SPOCK3: variants seen among roughly 807,000 people sequenced by gnomAD.
The protein encoded by SPOCK3 is SPARC (osteonectin), cwcv and kazal like domains proteoglycan 3.
Under a neutral mutation model 56.6 loss-of-function variants are expected in SPOCK3, and 30 were observed. That is an observed-to-expected ratio of 0.53 (90% CI 0.40 to 0.72). SPOCK3 has a LOEUF of 0.72. SPOCK3 is among the 30% of genes least tolerant of loss of function. The pLI is 0.00. For synonymous variants in SPOCK3, 196 were observed against 183.3 expected (o/e 1.07, Z -0.56); for missense variants, 527 against 530.0 (o/e 0.99, Z 0.06).
intron 6 of SPOCK3, among the ~76,000 whole-genome samples, chr4:166,799,635 G>A (rs2318492): frequency 0.89 from 134,708 of 152,194 alleles, 59,851 homozygotes; most frequent in African/African-American, 0.97. Context: ...AGGTTGCAAA[G>A]ACCAACAAGC....
At chr4:166,960,972 A>G (rs941267300) in intron 4 of SPOCK3, among the ~76,000 whole-genome samples, 1 of 152,198 alleles carries the variant, frequency 6.6e-6, no homozygotes, top group Non-Finnish European at 1.5e-5. Flanking sequence ...ATTAGAGATG[A>G]CCATTACTGT....
At chr4:167,059,049 T>C (rs1755263985) in intron 3 of SPOCK3, among the ~76,000 whole-genome samples, 1 of 151,988 alleles carries the variant, frequency 6.6e-6, no homozygotes. Context: ...ATAAAAACCC[T>C]AGAAGAAAAC....
chr4:166,879,882 G>A (rs375649940), intron 6 of SPOCK3, among the ~76,000 whole-genome samples: 1 of 152,040 alleles, frequency 6.6e-6, no homozygotes, highest in Non-Finnish European at 1.5e-5. Flanking sequence ...TTGTTTAAAA[G>A]TGTGTACCAT....
intron 2 of SPOCK3, among the ~76,000 whole-genome samples, chr4:167,062,850 C>T (rs1055079291): frequency 2.0e-5 from 3 of 151,762 alleles, no homozygotes; most frequent in Non-Finnish European, 4.4e-5. Flanking sequence ...CTAAATATTA[C>T]AATGCAATAT....
chr4:166,972,241 T>C (rs1745472262), intron 4 of SPOCK3, among the ~76,000 whole-genome samples: 1 of 152,142 alleles, frequency 6.6e-6, no homozygotes, highest in Non-Finnish European at 1.5e-5. Flanking sequence ...TCAGAAGTGC[T>C]TGCTACATAA....
chr4:167,035,727 A>G (rs552121498), intron 3 of SPOCK3, among the ~76,000 whole-genome samples: 1 of 152,246 alleles, frequency 6.6e-6, no homozygotes, highest in Non-Finnish European at 1.5e-5. Context: ...GCGTGAACCT[A>G]TATCTATCCT....
chr4:167,163,259 T>C (rs576446796), intron 2 of SPOCK3, among the ~76,000 whole-genome samples: 1 of 151,550 alleles, frequency 6.6e-6, no homozygotes, highest in Non-Finnish European at 1.5e-5. Flanking sequence ...TGTGTTCCTT[T>C]TTTAAAACAT....
chr4:167,057,090 G>C (rs907857490), intron 3 of SPOCK3, among the ~76,000 whole-genome samples: 2 of 152,124 alleles, frequency 1.3e-5, no homozygotes, highest in African/African-American at 2.4e-5. Context: ...CGGATCTCTC[G>C]GCAGAAACTC....
Position 166,946,810 on chromosome 4 carries a change from G to A in SPOCK3, c.351-34067C>T, listed in dbSNP as rs191245305. Among the ~76,000 whole-genome samples, 288 of 152,266 alleles carry A rather than the reference G, an allele frequency of 1.9e-3. 1 individual carries two copies. Among genetic ancestry groups the A allele is most frequent in the African/African-American group, 6.5e-3 (271 of 41,556 alleles). On this transcript the variant is annotated intron_variant, in intron 4 of 10. Coordinates refer to ENST00000357545, the MANE Select transcript of SPOCK3 (RefSeq NM_001040159.2). ...ATGGGCAGGAATGGTGTCTAGTTCC[G>A]TTTTCTCACAGATAGCACCTATAAC...
intron 7 of SPOCK3, among the ~76,000 whole-genome samples, chr4:166,766,406 G>C (rs187607383): frequency 6.6e-6 from 1 of 152,092 alleles, no homozygotes; most frequent in African/African-American, 2.4e-5. Context: ...AAGGGCTGTC[G>C]AATTTTGTCA....
chr4:167,022,587 T>C (rs538720255), intron 3 of SPOCK3, among the ~76,000 whole-genome samples: 1 of 152,146 alleles, frequency 6.6e-6, no homozygotes, highest in Admixed American at 6.6e-5. Flanking sequence ...GTGAAAAAGA[T>C]ACAATTGAAA....
intron 6 of SPOCK3, among the ~76,000 whole-genome samples, chr4:166,886,203 A>T (rs991906356): frequency 1.3e-5 from 2 of 152,100 alleles, no homozygotes; most frequent in Non-Finnish European, 2.9e-5. Flanking sequence ...GCCTCTAAAA[A>T]TCAGCTGAAA....
intron 2 of SPOCK3, among the ~76,000 whole-genome samples, chr4:167,166,766 A>G (rs1729991178): frequency 6.6e-6 from 1 of 152,114 alleles, no homozygotes; most frequent in Non-Finnish European, 1.5e-5. Context: ...AAATGTATGC[A>G]TGGGATTTTG....
chr4:166,909,049 A>C (rs1250131577), intron 5 of SPOCK3, among the ~76,000 whole-genome samples: 1 of 152,126 alleles, frequency 6.6e-6, no homozygotes, highest in East Asian at 1.9e-4. Context: ...AAAGAAAGTA[A>C]ATAATTTTTC....
chr4:167,068,216 G>C (rs1414821404), intron 2 of SPOCK3, among the ~76,000 whole-genome samples: 1 of 151,458 alleles, frequency 6.6e-6, no homozygotes, highest in Non-Finnish European at 1.5e-5. Context: ...AAACAGTAAG[G>C]AATAATAGAA....
intron 8 of SPOCK3, among the ~76,000 whole-genome samples, chr4:166,746,352 C>A (rs187889391): frequency 1.4e-4 from 22 of 152,316 alleles, no homozygotes; most frequent in South Asian, 2.1e-4. Context: ...CAAAACCACT[C>A]AACTACATGG....
intron 2 of SPOCK3, among the ~76,000 whole-genome samples, chr4:167,155,447 C>A (rs1764739799): frequency 6.6e-6 from 1 of 152,044 alleles, no homozygotes; most frequent in Non-Finnish European, 1.5e-5. Context: ...TTTTTAAATC[C>A]AGAAAATGGA....
chr4:166,889,945 T>A (rs1327197118), intron 5 of SPOCK3, among the ~76,000 whole-genome samples: 1 of 152,024 alleles, frequency 6.6e-6, no homozygotes, highest in Non-Finnish European at 1.5e-5. Context: ...TGTATGTATA[T>A]ATATTTCACA....
chr4:166,876,581 GT>G (rs146059676), intron 6 of SPOCK3, among the ~76,000 whole-genome samples: 1,660 of 152,230 alleles, frequency 0.011, 39 homozygotes, highest in African/African-American at 0.037. Context: ...TGGCATTCTA[GT>G]TTTATTGGCA....
Sources: gnomAD v4.1 joint callset for allele counts (sites outside exome capture counted in the v4.1 genomes callset) on GRCh38, gnomAD v4.1.1 for gene constraint, MANE v1.5 for transcripts, NCBI Gene and HGNC (gene_info 2026-07-23, HGNC 2026-07-21) for gene names.